Variants in SEMA5A observed in about 807,000 individuals in gnomAD.
SEMA5A encodes the protein semaphorin 5A.
SEMA5A carries 55 observed loss-of-function variants against 135.5 expected under a neutral mutation model. That is an observed-to-expected ratio of 0.41 (90% CI 0.33 to 0.51). The LOEUF (loss-of-function observed/expected upper bound fraction) is 0.51, where lower values mean the gene tolerates loss of function less well. Among genes scored for constraint, SEMA5A ranks in the 20% least tolerant of loss-of-function variants. The pLI is 0.37. For synonymous variants in SEMA5A, 580 were observed against 546.5 expected, an observed-to-expected ratio of 1.06 and a Z score of -0.85; for missense variants, 1,290 against 1,419.9, an observed-to-expected ratio of 0.91 and a Z score of 1.47.
intron 3 of SEMA5A, among the ~76,000 whole-genome samples, chr5:9,368,278 TG>T (rs1006289975): frequency 6.6e-6 from 1 of 152,236 alleles, no homozygotes; most frequent in Non-Finnish European, 1.5e-5. Flanking sequence ...CCCAAAAATA[TG>T]TGGCATTGTA....
intron 8 of SEMA5A, among the ~76,000 whole-genome samples, chr5:9,216,189 T>C (rs1746613204): frequency 6.6e-6 from 1 of 152,224 alleles, no homozygotes; most frequent in South Asian, 2.1e-4. Context: ...TGTATCTTTG[T>C]TCTCATTAGT....
chr5:9,097,072 G>C (rs139489289), intron 16 of SEMA5A, among the ~76,000 whole-genome samples: 1 of 152,112 alleles, frequency 6.6e-6, no homozygotes, highest in African/African-American at 2.4e-5. Context: ...AAATATACAC[G>C]ATAAAATTTA....
At chr5:9,386,128 G>C (rs939405811) in intron 2 of SEMA5A, among the ~76,000 whole-genome samples, 1 of 152,078 alleles carries the variant, frequency 6.6e-6, no homozygotes, top group African/African-American at 2.4e-5. Context: ...GTTTGTTTTT[G>C]CATTTGTTCT....
intron 4 of SEMA5A, among the ~76,000 whole-genome samples, chr5:9,337,066 T>C (rs1450206258): frequency 6.6e-6 from 1 of 152,228 alleles, no homozygotes; most frequent in Non-Finnish European, 1.5e-5. Context: ...AGAACTCAAA[T>C]TTGTTTGGAT....
intron 13 of SEMA5A, among the ~76,000 whole-genome samples, chr5:9,127,124 T>TGTAAAACAAAATTAC (rs1741158307): frequency 6.6e-6 from 1 of 152,184 alleles, no homozygotes; most frequent in Non-Finnish European, 1.5e-5. Flanking sequence ...TGTTATTATA[T>TGTAAAACAAAATTAC]GTAAAACAAA....
At chr5:9,256,717 C>A in intron 5 of SEMA5A, among the ~76,000 whole-genome samples, 1 of 152,106 alleles carries the variant, frequency 6.6e-6, no homozygotes, top group Non-Finnish European at 1.5e-5. Flanking sequence ...GTCTGACTGC[C>A]CCATAAGAGA....
chr5:9,330,615 C>T (rs1414592155), intron 4 of SEMA5A, among the ~76,000 whole-genome samples: 1 of 152,036 alleles, frequency 6.6e-6, no homozygotes, highest in Non-Finnish European at 1.5e-5. Flanking sequence ...TACTTAAGAA[C>T]ATTAATGTTT....
chr5:9,242,107 T>C (rs563504606), intron 5 of SEMA5A, among the ~76,000 whole-genome samples: 5 of 152,240 alleles, frequency 3.3e-5, no homozygotes, highest in Non-Finnish European at 7.3e-5. Context: ...AAATGTTACA[T>C]TGCCATGGCA....
chr5:9,096,140 T>C (rs967398033), intron 16 of SEMA5A, among the ~76,000 whole-genome samples: 2 of 152,168 alleles, frequency 1.3e-5, no homozygotes, highest in Admixed American at 6.5e-5. Flanking sequence ...CAGAGTACAA[T>C]CTACATTCTT....
intron 3 of SEMA5A, among the ~76,000 whole-genome samples, chr5:9,357,453 G>A (rs1261787333): frequency 2.0e-5 from 3 of 152,104 alleles, no homozygotes; most frequent in African/African-American, 7.2e-5. Flanking sequence ...ACAAACAACC[G>A]ACCAAGCCCA....
chr5:9,435,163 G>A (rs761930308), intron 2 of SEMA5A, among the ~76,000 whole-genome samples: 3 of 151,984 alleles, frequency 2.0e-5, no homozygotes, highest in Non-Finnish European at 2.9e-5. Flanking sequence ...AGGGATATTC[G>A]AGACCAGACC....
chr5:9,198,374 C>T (rs557522216), intron 9 of SEMA5A, among the ~76,000 whole-genome samples: 26 of 152,268 alleles, frequency 1.7e-4, no homozygotes, highest in African/African-American at 6.0e-4. Flanking sequence ...AGACCCTTCC[C>T]CAATGTCAGC....
At chr5:9,419,660 T>G (rs1322183183) in intron 2 of SEMA5A, among the ~76,000 whole-genome samples, 1 of 152,152 alleles carries the variant, frequency 6.6e-6, no homozygotes, top group East Asian at 1.9e-4. Context: ...ATAGGGGGCT[T>G]TATGTTTCCT....
In SEMA5A at chr5:9,400,501, A is replaced by ATTTTTTTTTTTTTTTTT. The variant is rs1215358817; in HGVS notation, c.-77-20495_-77-20479dup. Among the ~76,000 whole-genome samples, 12 of 87,018 alleles carry ATTTTTTTTTTTTTTTTT rather than the reference A, an allele frequency of 1.4e-4. 2 individuals carry two copies. Among genetic ancestry groups the ATTTTTTTTTTTTTTTTT allele is most frequent in the African/African-American group, 6.1e-4 (12 of 19,662 alleles). The allele number at this position is 87,018 out of a possible 152,430, so 57.1% of individuals were successfully genotyped here. On this transcript the variant is annotated intron_variant, in intron 2 of 22. Coordinates refer to ENST00000382496, the MANE Select transcript of SEMA5A (RefSeq NM_003966.3). ...CTTCAATAGTTTGAACACAATGTAC[A>ATTTTTTTTTTTTTTTTT]TTTTTTTTTTTTTTTTTTTTTTTGA...
intron 13 of SEMA5A, among the ~76,000 whole-genome samples, chr5:9,136,021 C>T (rs1415999370): frequency 1.3e-5 from 2 of 152,174 alleles, no homozygotes; most frequent in African/African-American, 4.8e-5. Context: ...TCTTCCAGAC[C>T]TTCCTGTGAC....
intron 1 of SEMA5A, among the ~76,000 whole-genome samples, chr5:9,509,919 CA>C (rs1250938872): frequency 1.3e-5 from 2 of 151,788 alleles, no homozygotes; most frequent in Non-Finnish European, 2.9e-5. Context: ...AGAGAGAAAA[CA>C]AAAAGTATAT....
intron 3 of SEMA5A, among the ~76,000 whole-genome samples, chr5:9,366,142 A>G (rs537243452): frequency 1.6e-4 from 25 of 152,332 alleles, no homozygotes; most frequent in Non-Finnish European, 2.5e-4. Context: ...GACTTAAAAC[A>G]TGTATGTTAA....
chr5:9,532,622 A>G (rs1737519004), intron 1 of SEMA5A, among the ~76,000 whole-genome samples: 1 of 152,116 alleles, frequency 6.6e-6, no homozygotes, highest in Non-Finnish European at 1.5e-5. Context: ...ATTTCTCTAG[A>G]CATGGGGAAA....
chr5:9,217,190 C>G (rs903322779), intron 8 of SEMA5A, among the ~76,000 whole-genome samples: 2 of 152,190 alleles, frequency 1.3e-5, no homozygotes, highest in African/African-American at 4.8e-5. Flanking sequence ...AACAAAGTCA[C>G]TCAACATTTG....
Sources: gnomAD v4.1 joint callset for allele counts (sites outside exome capture counted in the v4.1 genomes callset) on GRCh38, gnomAD v4.1.1 for gene constraint, MANE v1.5 for transcripts, NCBI Gene and HGNC (gene_info 2026-07-23, HGNC 2026-07-21) for gene names.